The following ASIC2 variants were observed in gnomAD, a reference collection of about 807,000 sequenced individuals.
ASIC2 encodes acid-sensing ion channel 2.
Under a neutral mutation model 57.3 loss-of-function variants are expected in ASIC2, and 25 were observed. The observed-to-expected ratio is 0.44, with a 90% CI of 0.32 to 0.61. The LOEUF (loss-of-function observed/expected upper bound fraction) is 0.61. Ranked by LOEUF, ASIC2 falls within the 20% of genes least tolerant of loss-of-function variation. The pLI is 0.06. For missense variants in ASIC2, 641 were observed against 738.1 expected (o/e 0.87, Z 1.52); for synonymous variants, 319 against 307.5 (o/e 1.04, Z -0.39).
At chr17:33,278,319 C>T (rs972552865) in intron 1 of ASIC2, among the ~76,000 whole-genome samples, 8 of 151,610 alleles carry the variant, frequency 5.3e-5, no homozygotes, top group Non-Finnish European at 1.2e-4. Flanking sequence ...TTTCTAAAAT[C>T]CTTAATCACC....
intron 3 of ASIC2, among the ~76,000 whole-genome samples, chr17:33,048,758 G>A (rs1433866809): frequency 5.9e-5 from 9 of 152,178 alleles, no homozygotes; most frequent in African/African-American, 2.2e-4. Flanking sequence ...CCAGGGCCTG[G>A]AGTTCCAGGT....
intron 1 of ASIC2, among the ~76,000 whole-genome samples, chr17:33,994,718 GTCT>G (rs756395569): frequency 6.6e-6 from 1 of 152,090 alleles, no homozygotes; most frequent in Non-Finnish European, 1.5e-5. Flanking sequence ...GTATCTAGTG[GTCT>G]TCTTGACTGT....
chr17:33,799,427 C>CTTTCTTTCTTTCTTCTTTCT (rs11439080), intron 1 of ASIC2, among the ~76,000 whole-genome samples: 4 of 84,090 alleles, frequency 4.8e-5, no homozygotes, highest in East Asian at 2.9e-4. Context: ...TTCTTTCTTT[C>CTTTCTTTCTTTCTTCTTTCT]TTCTTTCTTT....
intron 1 of ASIC2, among the ~76,000 whole-genome samples, chr17:33,799,242 T>C (rs1078658): frequency 2.7e-5 from 4 of 150,614 alleles, no homozygotes; most frequent in African/African-American, 7.3e-5. Flanking sequence ...TTCTCTTTCC[T>C]TCCTTCCCTT....
rs533005627 is a variant in ASIC2, at chr17:34,135,693, C to T, written c.555+20285G>A. 2.0e-5 allele frequency among the ~76,000 whole-genome samples: 3 copies of T among 152,192 alleles called. No homozygotes were observed. In the East Asian group the frequency reaches 5.8e-4, roughly 29 times the overall value. On this transcript the variant is annotated intron_variant, in intron 1 of 9. Coordinates refer to the ASIC2 transcript ENST00000359872. ...CACCTGAAATATTGTTTATAGTCTACAGTCAGTAATTCACATCAAGGACTT... is the reference window on the plus strand; with the variant it reads ...CACCTGAAATATTGTTTATAGTCTATAGTCAGTAATTCACATCAAGGACTT...
chr17:33,440,993 G>A (rs1911804866), intron 1 of ASIC2, among the ~76,000 whole-genome samples: 1 of 151,650 alleles, frequency 6.6e-6, no homozygotes, highest in Admixed American at 6.6e-5. Context: ...TTTAAAGGCA[G>A]GGCCTTGCTC....
At chr17:33,815,789 A>G (rs932929267) in intron 1 of ASIC2, among the ~76,000 whole-genome samples, 1 of 152,156 alleles carries the variant, frequency 6.6e-6, no homozygotes, top group East Asian at 1.9e-4. Context: ...AAGTGTTCCT[A>G]GAATGCATCT....
At chr17:33,330,837 G>A (rs993608518) in intron 1 of ASIC2, among the ~76,000 whole-genome samples, 4 of 152,132 alleles carry the variant, frequency 2.6e-5, no homozygotes, top group African/African-American at 9.7e-5. Context: ...TGTCAATGAG[G>A]ATCCTGGGGT....
intron 1 of ASIC2, among the ~76,000 whole-genome samples, chr17:33,823,883 G>T (rs920188004): frequency 6.6e-6 from 1 of 152,182 alleles, no homozygotes; most frequent in Non-Finnish European, 1.5e-5. Flanking sequence ...TGTCTGATCT[G>T]TTGAGGCTGC....
At chr17:33,519,606 C>G (rs1021827126) in intron 1 of ASIC2, among the ~76,000 whole-genome samples, 26 of 152,176 alleles carry the variant, frequency 1.7e-4, no homozygotes, top group African/African-American at 6.0e-4. Flanking sequence ...TCTCGGCTCA[C>G]TGTCATGGAA....
At chr17:33,867,238 T>A (rs1020397454) in intron 1 of ASIC2, among the ~76,000 whole-genome samples, 2 of 148,554 alleles carry the variant, frequency 1.3e-5, no homozygotes, top group African/African-American at 4.9e-5. Context: ...ATTTTTAGAT[T>A]TTCAGGCTGG....
intron 4 of ASIC2, among the ~76,000 whole-genome samples, chr17:33,027,134 C>T (rs762643906): frequency 6.6e-6 from 1 of 152,132 alleles, no homozygotes; most frequent in Non-Finnish European, 1.5e-5. Context: ...GAGGTCACCC[C>T]CACATTCACT....
intron 1 of ASIC2, among the ~76,000 whole-genome samples, chr17:33,780,966 G>A (rs372650876): frequency 4.6e-5 from 7 of 152,326 alleles, no homozygotes; most frequent in African/African-American, 1.7e-4. Flanking sequence ...AAGTTAATGT[G>A]TGTGAACAGC....
In ASIC2 at chr17:33,133,557, A is replaced by C. The variant is rs114780885; in HGVS notation, c.709-21490T>G. Among the ~76,000 whole-genome samples, 871 of 152,320 alleles carry C rather than the reference A, an allele frequency of 5.7e-3. 5 individuals carry two copies. The highest frequency in any genetic ancestry group is 0.02 in the African/African-American group (818 of 41,566). On this transcript the variant is annotated intron_variant, in intron 1 of 9. Transcript: ENST00000225823. ...AACTTAGACTCTCAGAAGTTACAAGATATTCTACCATAAACAAATGATTAT... is the reference window on the plus strand; with the variant it reads ...AACTTAGACTCTCAGAAGTTACAAGCTATTCTACCATAAACAAATGATTAT...
At chr17:33,564,216 A>G (rs1489537762) in intron 1 of ASIC2, among the ~76,000 whole-genome samples, 1 of 152,174 alleles carries the variant, frequency 6.6e-6, no homozygotes, top group African/African-American at 2.4e-5. Flanking sequence ...CTCTCGTTTT[A>G]AAGCCTGCAT....
intron 1 of ASIC2, among the ~76,000 whole-genome samples, chr17:34,013,123 G>A (rs1398410061): frequency 6.6e-6 from 1 of 152,184 alleles, no homozygotes; most frequent in Non-Finnish European, 1.5e-5. Flanking sequence ...AGATGTGCCT[G>A]GGAGCTCCAG....
rs146154209 is a variant in ASIC2, at chr17:33,169,213, C to T, written c.709-57146G>A. Among the ~76,000 whole-genome samples, 69 of 152,260 alleles carry T rather than the reference C, an allele frequency of 4.5e-4. No individual in the cohort carries two copies. In the East Asian group the frequency reaches 7.7e-3, roughly 17 times the overall value. ...GCAATAAGCCTTGGTAGTGTCCATA[C>T]GGTGTGAATTCTATAGGAACAAAGA... is the stretch of plus-strand genomic sequence containing the variant. On this transcript the variant is annotated intron_variant, in intron 1 of 9. Coordinates refer to ENST00000225823, the MANE Select transcript of ASIC2 (RefSeq NM_183377.2).
chr17:33,373,969 C>T (rs912408145), intron 1 of ASIC2, among the ~76,000 whole-genome samples: 1 of 151,914 alleles, frequency 6.6e-6, no homozygotes, highest in Non-Finnish European at 1.5e-5. Flanking sequence ...TGAACCACTG[C>T]GCCCTGCTGT....
intron 1 of ASIC2, among the ~76,000 whole-genome samples, chr17:33,834,885 G>A (rs745935968): frequency 6.6e-6 from 1 of 151,966 alleles, no homozygotes; most frequent in Non-Finnish European, 1.5e-5. Context: ...CAGGCAATGG[G>A]GATTTGGAGG....
Sources: allele counts gnomAD v4.1 joint callset (sites outside exome capture counted in the v4.1 genomes callset), GRCh38; gene constraint gnomAD v4.1.1; transcripts MANE v1.5; gene names NCBI Gene and HGNC (gene_info 2026-07-23, HGNC 2026-07-21).